DLGAP1: variants seen among roughly 807,000 people sequenced by gnomAD.
The protein encoded by DLGAP1 is DLG associated protein 1.
A neutral mutation model predicts 90.8 loss-of-function variants in DLGAP1; 11 were observed. The observed-to-expected ratio is 0.12, with a 90% CI of 0.08 to 0.20. The LOEUF is 0.20. Ranked by LOEUF, DLGAP1 falls within the 10% of genes least tolerant of loss-of-function variation. The pLI is 1.00. For synonymous variants in DLGAP1, 558 were observed against 540.7 expected (o/e 1.03, Z -0.44); for missense variants, 1,050 against 1,333.8 (o/e 0.79, Z 3.31).
intron 2 of DLGAP1, among the ~76,000 whole-genome samples, chr18:4,024,376 G>C (rs1031250095): frequency 3.9e-5 from 6 of 152,174 alleles, no homozygotes; most frequent in Admixed American, 1.3e-4. Context: ...TAAACAGGAA[G>C]GGAGCACCAC....
intron 9 of DLGAP1, among the ~76,000 whole-genome samples, chr18:3,562,946 A>G (rs946936964): frequency 1.2e-4 from 18 of 152,090 alleles, no homozygotes; most frequent in African/African-American, 4.1e-4. Context: ...TTTCCACCTC[A>G]GCCTACTGAG....
intron 3 of DLGAP1, among the ~76,000 whole-genome samples, chr18:3,881,105 C>CT (rs138240446): frequency 0.32 from 48,413 of 150,230 alleles, 8,634 homozygotes; most frequent in South Asian, 0.52. Context: ...GGGTCTTATT[C>CT]TTTTTTTTCT....
At chr18:3,741,232 C>T (rs1418249251) in intron 6 of DLGAP1, among the ~76,000 whole-genome samples, 1 of 127,430 alleles carries the variant, frequency 7.8e-6, no homozygotes. Flanking sequence ...TCACCATCAC[C>T]ACCACCACCA....
intron 2 of DLGAP1, among the ~76,000 whole-genome samples, chr18:4,133,164 G>C (rs948056622): frequency 6.6e-6 from 1 of 152,170 alleles, no homozygotes; most frequent in African/African-American, 2.4e-5. Context: ...CCCCCAGGAA[G>C]GTGACAATAG....
At chr18:3,548,473 A>C (rs970521063) in intron 9 of DLGAP1, among the ~76,000 whole-genome samples, 4 of 151,414 alleles carry the variant, frequency 2.6e-5, no homozygotes, top group African/African-American at 7.3e-5. Flanking sequence ...AAAAAAAAAA[A>C]CCTAAAGCTA....
chr18:3,586,582 C>T (rs957224822), intron 7 of DLGAP1, among the ~76,000 whole-genome samples: 45 of 152,078 alleles, frequency 3.0e-4, no homozygotes, highest in African/African-American at 9.7e-4. Context: ...CCTCTGCCTG[C>T]TGAATAGGTG....
intron 3 of DLGAP1, among the ~76,000 whole-genome samples, chr18:3,903,132 T>TCTCTA (rs59040081): frequency 0.01 from 1,590 of 152,248 alleles, 28 homozygotes; most frequent in African/African-American, 0.036. Context: ...CATCTTTCTA[T>TCTCTA]CTCTAATCTT....
At chr18:4,134,720 C>T (rs1598459385) in intron 2 of DLGAP1, among the ~76,000 whole-genome samples, 1 of 152,010 alleles carries the variant, frequency 6.6e-6, no homozygotes. Context: ...TAGGTTGAAA[C>T]ATTTGAATTT....
intron 7 of DLGAP1, among the ~76,000 whole-genome samples, chr18:3,688,201 G>A (rs929632789): frequency 3.3e-5 from 5 of 151,996 alleles, no homozygotes; most frequent in South Asian, 2.1e-4. Flanking sequence ...GTGAGCCACC[G>A]CACCCGGCCC....
chr18:3,683,497 A>G (rs538778700), intron 7 of DLGAP1, among the ~76,000 whole-genome samples: 4 of 152,120 alleles, frequency 2.6e-5, no homozygotes, highest in Admixed American at 6.5e-5. Context: ...CTTTTTTTTT[A>G]AAATCTCTAT....
intron 1 of DLGAP1, among the ~76,000 whole-genome samples, chr18:4,306,747 G>A (rs2080274056): frequency 6.6e-6 from 1 of 152,230 alleles, no homozygotes; most frequent in Non-Finnish European, 1.5e-5. Flanking sequence ...GGGATGTGGT[G>A]CCTGTTTCAA....
At chr18:3,750,672 T>C (rs1268722588) in intron 5 of DLGAP1, among the ~76,000 whole-genome samples, 2 of 152,166 alleles carry the variant, frequency 1.3e-5, no homozygotes, top group Non-Finnish European at 2.9e-5. Context: ...GACACTCTCT[T>C]ACGGAGGCTC....
chr18:4,159,533 T>C (rs995376958), intron 1 of DLGAP1, among the ~76,000 whole-genome samples: 1 of 152,156 alleles, frequency 6.6e-6, no homozygotes, highest in Non-Finnish European at 1.5e-5. Context: ...CTTCACTCTT[T>C]TCCTATTTAT....
chr18:3,583,194 C>A (rs867362447), intron 7 of DLGAP1, among the ~76,000 whole-genome samples: 22 of 146,660 alleles, frequency 1.5e-4, no homozygotes, highest in Admixed American at 2.7e-4. Flanking sequence ...ACCTTCCTTC[C>A]TTCCTTCCTT....
intron 3 of DLGAP1, among the ~76,000 whole-genome samples, chr18:3,881,001 A>T (rs537980266): frequency 3.5e-4 from 53 of 150,410 alleles, no homozygotes; most frequent in East Asian, 1.9e-3. Flanking sequence ...AACTATATTT[A>T]AAAAAAAACC....
At chr18:3,540,594 C>T (rs2052640610) in intron 9 of DLGAP1, among the ~76,000 whole-genome samples, 1 of 151,742 alleles carries the variant, frequency 6.6e-6, no homozygotes, top group African/African-American at 2.4e-5. Context: ...ATAAGCATCC[C>T]TTGTGCAAAA....
intron 1 of DLGAP1, among the ~76,000 whole-genome samples, chr18:4,276,868 T>G (rs115319987): frequency 1.3e-5 from 2 of 152,200 alleles, no homozygotes; most frequent in African/African-American, 4.8e-5. Flanking sequence ...TATCAGTAAG[T>G]ATAAATAGAA....
At chr18:4,139,052 TATTG>T (rs1394813352) in intron 2 of DLGAP1, among the ~76,000 whole-genome samples, 1 of 152,028 alleles carries the variant, frequency 6.6e-6, no homozygotes, top group Non-Finnish European at 1.5e-5. Flanking sequence ...GCTAAATGTT[TATTG>T]ATTTTGTTTA....
At chr18:4,049,336 C>T (rs985341098) in intron 2 of DLGAP1, among the ~76,000 whole-genome samples, 4 of 152,110 alleles carry the variant, frequency 2.6e-5, no homozygotes, top group Admixed American at 2.6e-4. Flanking sequence ...ATGGGAGCTG[C>T]CCTCCTGCCA....
Sources: gnomAD v4.1 joint callset for allele counts (sites outside exome capture counted in the v4.1 genomes callset) on GRCh38, gnomAD v4.1.1 for gene constraint, MANE v1.5 for transcripts, NCBI Gene and HGNC (gene_info 2026-07-23, HGNC 2026-07-21) for gene names.